LIN9: variants seen among roughly 807,000 people sequenced by gnomAD.
LIN9 encodes the protein protein lin-9 homolog.
Under a neutral mutation model 78.0 loss-of-function variants are expected in LIN9, and 18 were observed. The ratio of observed to expected loss-of-function variants is 0.23; its 90% CI spans 0.16 to 0.34. The LOEUF (loss-of-function observed/expected upper bound fraction) is 0.34. Among genes scored for constraint, LIN9 ranks in the 10% least tolerant of loss-of-function variants. The pLI, the probability that LIN9 is intolerant of heterozygous loss-of-function variation, is 1.00. For missense variants in LIN9, 451 were observed against 644.1 expected, an observed-to-expected ratio of 0.70 and a Z score of 3.25; for synonymous variants, 192 against 215.2, an observed-to-expected ratio of 0.89 and a Z score of 0.94.
chr1:226,284,432 T>TA (rs989268186), intron 6 of LIN9, among the ~76,000 whole-genome samples: 9 of 152,162 alleles, frequency 5.9e-5, no homozygotes, highest in East Asian at 3.9e-4. Flanking sequence ...CTCATCTAAT[T>TA]AAAAAAAGAG....
intron 4 of LIN9, among the ~76,000 whole-genome samples, chr1:226,295,588 C>T (rs536750161): frequency 6.6e-6 from 1 of 152,076 alleles, no homozygotes; most frequent in Admixed American, 6.6e-5. Flanking sequence ...CAAATTGATG[C>T]CATGTTGCCA....
chr1:226,300,128 G>A (rs913551546), intron 2 of LIN9, among the ~76,000 whole-genome samples: 2 of 152,024 alleles, frequency 1.3e-5, no homozygotes, highest in Non-Finnish European at 2.9e-5. Flanking sequence ...AGTAGAGATG[G>A]GGTTTCACCT....
intron 11 of LIN9, among the ~76,000 whole-genome samples, chr1:226,239,297 C>A (rs1293711295): frequency 1.3e-5 from 2 of 152,142 alleles, no homozygotes; most frequent in African/African-American, 4.8e-5. Context: ...ATCATGATGT[C>A]TGCCATTTGC....
At chr1:226,248,355 A>G (rs982681944) in intron 11 of LIN9, among the ~76,000 whole-genome samples, 2 of 152,208 alleles carry the variant, frequency 1.3e-5, no homozygotes, top group African/African-American at 4.8e-5. Context: ...CATGCCAGAA[A>G]AAATTTCGAA....
At chr1:226,238,730 T>C (rs1657905306) in intron 12 of LIN9, among the ~76,000 whole-genome samples, 1 of 152,190 alleles carries the variant, frequency 6.6e-6, no homozygotes, top group Admixed American at 6.5e-5. Flanking sequence ...TTCTGGATTT[T>C]TCCAAATTTT....
At chr1:226,283,023 C>T (rs937312899) in intron 6 of LIN9, among the ~76,000 whole-genome samples, 1 of 152,180 alleles carries the variant, frequency 6.6e-6, no homozygotes, top group Non-Finnish European at 1.5e-5. Flanking sequence ...AGGGGGCAAT[C>T]ACAGCTCACT....
At chr1:226,260,316 C>T (rs1485711269) in intron 10 of LIN9, among the ~76,000 whole-genome samples, 1 of 152,170 alleles carries the variant, frequency 6.6e-6, no homozygotes, top group Non-Finnish European at 1.5e-5. Flanking sequence ...AGAGGAAATA[C>T]TTCCTAACTC....
intron 14 of LIN9, 103 bp downstream of exon 14, chr1:226,232,993 A>G: frequency 1.5e-6 from 1 of 653,484 alleles, no homozygotes. Context: ...TTAACGGATA[A>G]TAATATATGA....
At chr1:226,271,542 A>G (rs193092382) in intron 7 of LIN9, among the ~76,000 whole-genome samples, 14 of 152,294 alleles carry the variant, frequency 9.2e-5, no homozygotes, top group Admixed American at 2.0e-4. Context: ...GCCTATGTAA[A>G]TAATATGTAT....
chr1:226,236,207 A>T (rs1296811603), intron 12 of LIN9, among the ~76,000 whole-genome samples: 1 of 151,920 alleles, frequency 6.6e-6, no homozygotes, highest in Non-Finnish European at 1.5e-5. Context: ...ATAAATACAT[A>T]AAAGTACACA....
At chr1:226,232,636 T>C in intron 14 of LIN9, 30 bp from the exon 15 acceptor site, 1 of 1,402,330 alleles carries the variant, frequency 7.1e-7, no homozygotes, top group African/African-American at 1.4e-5. Context: ...GGTTAACTAC[T>C]TTATTTCAAA....
intron 7 of LIN9, among the ~76,000 whole-genome samples, chr1:226,275,363 A>G (rs932922833): frequency 1.3e-5 from 2 of 152,216 alleles, no homozygotes. Flanking sequence ...TGACCCCTGC[A>G]CTAGCCCAAA....
intron 4 of LIN9, among the ~76,000 whole-genome samples, chr1:226,289,330 A>C (rs72762702): frequency 0.035 from 5,353 of 151,560 alleles, 150 homozygotes; most frequent in Middle Eastern, 0.062. Flanking sequence ...ATGTTAAACC[A>C]ATTTTGTGTG....
rs189098784 is a variant in LIN9, at chr1:226,239,728, C to T, written c.1120-632G>A. On this transcript the variant is annotated intron_variant, in intron 11 of 14. Coordinates refer to ENST00000681046, the MANE Select transcript of LIN9 (RefSeq NM_001366245.2). ...CACAGTGCTTCCCACATAGAAGATG[C>T]TCAATGGATATTAACTTTTTATTGT... Among the ~76,000 whole-genome samples the T allele has an allele frequency of 1.1e-3, 164 of 152,246 alleles. 1 individual carries two copies. The highest frequency in any genetic ancestry group is 3.6e-3 in the African/African-American group (151 of 41,542).
chr1:226,276,568 G>A (rs917096173), intron 7 of LIN9, among the ~76,000 whole-genome samples: 13 of 151,846 alleles, frequency 8.6e-5, no homozygotes, highest in African/African-American at 9.7e-5. Context: ...CATCTTAATC[G>A]TTTTTACAAT....
intron 4 of LIN9, among the ~76,000 whole-genome samples, chr1:226,288,559 T>C (rs1049834525): frequency 1.3e-5 from 2 of 152,038 alleles, no homozygotes; most frequent in African/African-American, 4.8e-5. Flanking sequence ...GAAAATTTAA[T>C]GAAATGGGTA....
chr1:226,291,156 G>A (rs1336825761), intron 4 of LIN9, among the ~76,000 whole-genome samples: 1 of 152,118 alleles, frequency 6.6e-6, no homozygotes, highest in African/African-American at 2.4e-5. Flanking sequence ...ATCTGTCCTA[G>A]AAAAAAACTT....
chr1:226,237,138 A>G (rs568734982), intron 12 of LIN9, among the ~76,000 whole-genome samples: 1 of 152,194 alleles, frequency 6.6e-6, no homozygotes, highest in Non-Finnish European at 1.5e-5. Context: ...CCTATCACAA[A>G]TGGCCTTGGG....
chr1:226,241,212 C>T (rs1455949336), intron 11 of LIN9, among the ~76,000 whole-genome samples: 1 of 152,180 alleles, frequency 6.6e-6, no homozygotes, highest in East Asian at 1.9e-4. Context: ...ACTGGATCAT[C>T]CGAAAGATTT....
Sources: gnomAD v4.1 joint callset for allele counts (sites outside exome capture counted in the v4.1 genomes callset) on GRCh38, gnomAD v4.1.1 for gene constraint, MANE v1.5 for transcripts, NCBI Gene and HGNC (gene_info 2026-07-23, HGNC 2026-07-21) for gene names.